Variants in VEPH1 observed in about 807,000 individuals in gnomAD.
The protein encoded by VEPH1 is ventricular zone expressed PH domain containing 1, also known as ventricular zone-expressed PH domain-containing protein homolog 1.
Under a neutral mutation model 85.2 loss-of-function variants are expected in VEPH1, and 80 were observed. The observed-to-expected ratio is 0.94, with a 90% CI of 0.78 to 1.13. The LOEUF is 1.13. VEPH1 is among the 50% of genes most tolerant of loss of function. VEPH1 has a pLI of 0.00. For synonymous variants in VEPH1, 297 were observed against 348.0 expected (o/e 0.85, Z 1.63); for missense variants, 955 against 980.5 (o/e 0.97, Z 0.35).
At chr3:157,316,098 T>C (rs1720727818) in intron 10 of VEPH1, 1 of 152,070 alleles carries the variant, frequency 6.6e-6, no homozygotes, top group South Asian at 2.1e-4. Flanking sequence ...TTGCTATAGT[T>C]CTACTTTATT....
At chr3:157,288,561 G>A (rs1460214133) in intron 11 of VEPH1, among the ~76,000 whole-genome samples, 2 of 151,974 alleles carry the variant, frequency 1.3e-5, no homozygotes, top group Non-Finnish European at 2.9e-5. Context: ...ATTAGCATTG[G>A]TTTGTAGACC....
chr3:157,495,132 C>T, intron 2 of VEPH1, 80 bp downstream of exon 2: 1 of 1,414,708 alleles, frequency 7.1e-7, no homozygotes, highest in Non-Finnish European at 9.7e-7. Context: ...CTGCAAAGAT[C>T]TTTCTGCCAG....
At chr3:157,363,328 GAA>G in intron 9 of VEPH1, 34 bp downstream of exon 9, 1 of 1,519,034 alleles carries the variant, frequency 6.6e-7, no homozygotes, top group Non-Finnish European at 8.8e-7. Context: ...AGTGACTCCT[GAA>G]GTTTCTCAGG....
Position 157,381,235 on chromosome 3 carries a change from A to G in VEPH1, c.1048T>C (p.Phe350Leu). ...GCGGTGAAGCTGTTGCTCATGCGGA[A>G]GATGTCTCTGCTCTGAGGGCCCAAG... ...SILGPQSRDI[F>L]RMSNSFTAIA... Residue 350 changes from phenylalanine (F) to leucine (L), a missense_variant, in exon 7 of 14, where the codon TTC (phenylalanine) becomes CTC (leucine). By Grantham distance (22) the Phe-to-Leu change is conservative. Coordinates refer to ENST00000362010, the MANE Select transcript of VEPH1 (RefSeq NM_001167912.2). 1 of 1,614,086 alleles carries G rather than the reference A, an allele frequency of 6.2e-7. No individual in the cohort carries two copies. Among genetic ancestry groups the G allele is most frequent in the South Asian group, 1.1e-5 (1 of 91,074 alleles).
At chr3:157,492,282 T>C (rs1163031487) in intron 2 of VEPH1, among the ~76,000 whole-genome samples, 1 of 152,194 alleles carries the variant, frequency 6.6e-6, no homozygotes, top group East Asian at 1.9e-4. Flanking sequence ...GAGAACAGCA[T>C]GAAACACACA....
At chr3:157,326,568 G>C (rs1345073306) in intron 9 of VEPH1, among the ~76,000 whole-genome samples, 1 of 152,194 alleles carries the variant, frequency 6.6e-6, no homozygotes, top group African/African-American at 2.4e-5. Flanking sequence ...AGTATGAAGA[G>C]GGTGACAGCT....
chr3:157,297,820 G>C (rs1577271857), intron 11 of VEPH1, among the ~76,000 whole-genome samples: 1 of 152,156 alleles, frequency 6.6e-6, no homozygotes, highest in African/African-American at 2.4e-5. Context: ...AGACTGAAAG[G>C]AGGTGCAGAA....
intron 12 of VEPH1, among the ~76,000 whole-genome samples, chr3:157,275,357 C>T (rs1184932956): frequency 2.6e-5 from 4 of 152,114 alleles, no homozygotes; most frequent in Non-Finnish European, 5.9e-5. Flanking sequence ...GGGTGGATTG[C>T]CTGAGCTCAG....
intron 9 of VEPH1, among the ~76,000 whole-genome samples, chr3:157,321,796 A>G (rs1721380670): frequency 6.6e-6 from 1 of 152,150 alleles, no homozygotes; most frequent in South Asian, 2.1e-4. Context: ...AAACAAACAA[A>G]CAAAAAAAGC....
chr3:157,325,928 G>A (rs1013824900), intron 9 of VEPH1, among the ~76,000 whole-genome samples: 2 of 152,128 alleles, frequency 1.3e-5, no homozygotes, highest in African/African-American at 4.8e-5. Flanking sequence ...TGGACAATAT[G>A]GCCATTTTCA....
intron 9 of VEPH1, among the ~76,000 whole-genome samples, chr3:157,351,200 C>A (rs1364403222): frequency 6.6e-6 from 1 of 152,092 alleles, no homozygotes; most frequent in Admixed American, 6.5e-5. Context: ...AATCCCATCA[C>A]TTTGGGAGGC....
intron 9 of VEPH1, among the ~76,000 whole-genome samples, chr3:157,332,365 A>AC (rs1384346418): frequency 2.0e-5 from 3 of 151,832 alleles, no homozygotes; most frequent in African/African-American, 7.2e-5. Context: ...CCTAAATGGA[A>AC]CCCCCACATC....
At chr3:157,502,517 T>G (rs1031579766) in intron 1 of VEPH1, among the ~76,000 whole-genome samples, 3 of 152,190 alleles carry the variant, frequency 2.0e-5, no homozygotes, top group Admixed American at 2.0e-4. Context: ...TTCAAATTCG[T>G]GGGTTTGTTC....
chr3:157,261,421 G>C (rs1712879047), intron 13 of VEPH1, 51 bp from the exon 14 acceptor site: 1 of 1,595,270 alleles, frequency 6.3e-7, no homozygotes, highest in African/African-American at 1.4e-5. Flanking sequence ...CTGTAGGCAA[G>C]GATCTCTGGC....
chr3:157,475,207 G>A (rs1179012895), intron 2 of VEPH1, among the ~76,000 whole-genome samples: 7 of 143,746 alleles, frequency 4.9e-5, no homozygotes, highest in Non-Finnish European at 1.1e-4. Context: ...TCCCTGGCTA[G>A]TCTTGAACTC....
chr3:157,278,765 A>G (rs1715715711), intron 12 of VEPH1, among the ~76,000 whole-genome samples: 1 of 152,196 alleles, frequency 6.6e-6, no homozygotes, highest in South Asian at 2.1e-4. Flanking sequence ...GGGGTGGTGG[A>G]GAAGGCAGTG....
chr3:157,436,048 G>C (rs1436761151), intron 4 of VEPH1, among the ~76,000 whole-genome samples: 1 of 152,112 alleles, frequency 6.6e-6, no homozygotes, highest in African/African-American at 2.4e-5. Context: ...AGGCGAAGGC[G>C]GGTGGATCGC....
chr3:157,369,744 T>G lies in VEPH1; in HGVS notation c.1128-5232A>C, dbSNP rs139467087. Reference sequence around the variant, plus strand: ...CTTCTTTTCCTCTTGCTTTTAAAATTTAATATAAAAAGATAGAAGTATTTT... The same window carrying G: ...CTTCTTTTCCTCTTGCTTTTAAAATGTAATATAAAAAGATAGAAGTATTTT... On this transcript the variant is annotated intron_variant, in intron 7 of 13. Coordinates refer to ENST00000362010, the MANE Select transcript of VEPH1 (RefSeq NM_001167912.2). Among the ~76,000 whole-genome samples, 492 of 152,322 alleles carry G rather than the reference T, an allele frequency of 3.2e-3. 4 individuals carry two copies. Among genetic ancestry groups the G allele is most frequent in the African/African-American group, 0.011 (474 of 41,568 alleles).
At chr3:157,304,014 T>C (rs374740407) in intron 11 of VEPH1, among the ~76,000 whole-genome samples, 1,603 of 115,974 alleles carry the variant, frequency 0.014, 59 homozygotes, top group African/African-American at 0.054. Flanking sequence ...ATTTCTCATC[T>C]TATATTTTTT....
Sources: gnomAD v4.1 joint callset for allele counts (sites outside exome capture counted in the v4.1 genomes callset) on GRCh38, gnomAD v4.1.1 for gene constraint, MANE v1.5 for transcripts, NCBI Gene and HGNC (gene_info 2026-07-23, HGNC 2026-07-21) for gene names.